ABCA13: variants seen among roughly 807,000 people sequenced by gnomAD.
The protein encoded by ABCA13 is ATP binding cassette subfamily A member 13, also known as ATP-binding cassette sub-family A member 13.
In ABCA13, 476 loss-of-function variants were observed where a neutral mutation model predicts 478.7. That is an observed-to-expected ratio of 0.99 (90% CI 0.92 to 1.07). The LOEUF is 1.07. Ranked by LOEUF, ABCA13 falls within the 50% of genes least tolerant of loss-of-function variation. The pLI is 0.00. For missense variants in ABCA13, 6,060 were observed against 5,910.6 expected (o/e 1.03, Z -0.83); for synonymous variants, 2,252 against 2,158.9 (o/e 1.04, Z -1.20).
intron 3 of ABCA13, among the ~76,000 whole-genome samples, chr7:48,205,488 C>T (rs953373477): frequency 6.6e-6 from 1 of 152,232 alleles, no homozygotes; most frequent in African/African-American, 2.4e-5. Flanking sequence ...GAACTATACC[C>T]TGCTGTCTTA....
chr7:48,519,974 A>T (rs769733848), intron 52 of ABCA13, 67 bp from the exon 53 acceptor site: 663 of 1,439,250 alleles, frequency 4.6e-4, no homozygotes, highest in Non-Finnish European at 5.8e-4. Context: ...AAAAGAAGTT[A>T]TTGGTATATA....
At chr7:48,404,211 C>A (rs767426418) in intron 39 of ABCA13, 1 of 324,834 alleles carries the variant, frequency 3.1e-6, no homozygotes, top group South Asian at 2.4e-5. Context: ...ATAGGACAAG[C>A]CTCCCTTGTC....
intron 2 of ABCA13, among the ~76,000 whole-genome samples, chr7:48,195,354 C>A (rs141220687): frequency 3.3e-4 from 50 of 152,226 alleles, no homozygotes; most frequent in Non-Finnish European, 5.9e-4. Flanking sequence ...TGGTGGAGAG[C>A]AACACTAGAG....
At position 48,455,027 on chromosome 7, in the gene ABCA13, C is replaced by G. The variant is rs367829820; in HGVS notation, c.12566-10C>G. ...TGACCCAGCCGCCCTTCCTCCCGCCCGTCCTGCAGGTGGCTCCCTAGCACG... is the reference window on the plus strand; with the variant it reads ...TGACCCAGCCGCCCTTCCTCCCGCCGGTCCTGCAGGTGGCTCCCTAGCACG... On this transcript the variant is annotated splice_polypyrimidine_tract_variant and intron_variant, in intron 42 of 61. Transcript: ENST00000435803. 2.7e-6 allele frequency: 4 copies of G among 1,489,718 alleles called. No homozygotes were observed. The highest frequency in any genetic ancestry group is 2.8e-5 in the African/African-American group (2 of 71,814). The allele number at this position is 1,489,718 out of a possible 1,614,324, so 92.3% of individuals were successfully genotyped here.
intron 29 of ABCA13, among the ~76,000 whole-genome samples, chr7:48,340,919 G>A (rs909611281): frequency 9.2e-5 from 14 of 151,916 alleles, no homozygotes; most frequent in Admixed American, 2.6e-4. Flanking sequence ...CTTTGGGATC[G>A]GTCCTTATAT....
rs116085213 is a variant in ABCA13, at chr7:48,623,485, G to A, written c.14837+8108G>A. Among the ~76,000 whole-genome samples, 1,311 of 152,282 alleles carry A rather than the reference G, an allele frequency of 8.6e-3. 18 individuals carry two copies. Among genetic ancestry groups the A allele is most frequent in the African/African-American group, 0.029 (1,221 of 41,558 alleles). ...CTTGATCTTTTCACAGTCAAGAGCA[G>A]TTAATAACAGAACATCAACCACATT... On this transcript the variant is annotated intron_variant, in intron 59 of 61. Coordinates refer to ENST00000435803, the MANE Select transcript of ABCA13 (RefSeq NM_152701.5).
At chr7:48,335,345 A>T (rs1297676850) in intron 27 of ABCA13, 77 bp from the exon 28 acceptor site, 5 of 1,097,296 alleles carry the variant, frequency 4.6e-6, no homozygotes, top group Non-Finnish European at 6.6e-6. Flanking sequence ...GCCACATCAT[A>T]TACAGTCCTT....
At chr7:48,429,676 T>G (rs1821880259) in intron 42 of ABCA13, among the ~76,000 whole-genome samples, 1 of 152,156 alleles carries the variant, frequency 6.6e-6, no homozygotes. Flanking sequence ...ATTGTGTGAG[T>G]TAAGTGGAAT....
At chr7:48,573,410 C>T (rs1265976198) in intron 55 of ABCA13, among the ~76,000 whole-genome samples, 1 of 151,120 alleles carries the variant, frequency 6.6e-6, no homozygotes, top group Non-Finnish European at 1.5e-5. Flanking sequence ...AAAAATATAC[C>T]ACTGTCTGGG....
At chr7:48,580,582 T>A (rs1244920932) in intron 56 of ABCA13, among the ~76,000 whole-genome samples, 1 of 152,230 alleles carries the variant, frequency 6.6e-6, no homozygotes, top group Non-Finnish European at 1.5e-5. Flanking sequence ...TTAAAAGGTA[T>A]CTGTGTGAGG....
At chr7:48,415,743 A>G (rs997192522) in intron 41 of ABCA13, among the ~76,000 whole-genome samples, 3 of 152,218 alleles carry the variant, frequency 2.0e-5, no homozygotes, top group Non-Finnish European at 2.9e-5. Flanking sequence ...CACAGAAAAA[A>G]AAACTGGTGA....
At chr7:48,264,910 T>A (rs1387318339) in intron 15 of ABCA13, among the ~76,000 whole-genome samples, 3 of 151,868 alleles carry the variant, frequency 2.0e-5, no homozygotes, top group South Asian at 4.2e-4. Flanking sequence ...GTTTAATAGA[T>A]TTATGTCCTA....
Position 48,507,911 on chromosome 7 carries a change from C to T in ABCA13, c.13386C>T (p.Ile4462=), listed in dbSNP as rs375202986. 24 of 1,612,548 alleles carry T rather than the reference C, an allele frequency of 1.5e-5. No individual in the cohort carries two copies. Among genetic ancestry groups the T allele is most frequent in the Admixed American group, 1.7e-5 (1 of 59,902 alleles). ...SIRQCGVALC[I]VLGFSILSAS... ...GTCAGTGTGGAGTGGCCCTCTGCAT[C>T]GTGCTGGGATTCTCCATCCTGTCTG... Residue 4462 remains isoleucine, a synonymous_variant, in exon 50 of 62, where the codon ATC becomes ATT. Transcript: ENST00000435803.
At chr7:48,234,848 C>T (rs1255830419) in intron 8 of ABCA13, among the ~76,000 whole-genome samples, 1 of 152,226 alleles carries the variant, frequency 6.6e-6, no homozygotes, top group Non-Finnish European at 1.5e-5. Context: ...TCTGGTGCAG[C>T]TCCTAGGTCA....
intron 43 of ABCA13, among the ~76,000 whole-genome samples, chr7:48,466,692 A>G (rs1285302178): frequency 1.3e-5 from 2 of 152,212 alleles, no homozygotes; most frequent in Non-Finnish European, 2.9e-5. Flanking sequence ...GAAAATGTTG[A>G]GGAAAATAAT....
Position 48,279,911 on chromosome 7 carries a change from C to G in ABCA13, c.8717C>G (p.Thr2906Arg). Reference sequence around the variant, plus strand: ...AAATACTGGCAACAAATCCCACTAACAGATCAAAGGTAATTAAAAAGCTGA... The same window carrying G: ...AAATACTGGCAACAAATCCCACTAAGAGATCAAAGGTAATTAAAAAGCTGA... ...LTKYWQQIPL[T>R]DQSVVEICEV... The change falls in exon 18 of 62, where the codon ACA becomes AGA. Residue 2906 changes from threonine (T) to arginine (R), a missense_variant. Thr to Arg is a moderately conservative substitution (Grantham distance 71). Coordinates refer to ENST00000435803, the MANE Select transcript of ABCA13 (RefSeq NM_152701.5). 4.6e-6 allele frequency: 7 copies of G among 1,518,094 alleles called. No individual in the cohort carries two copies. Among genetic ancestry groups the G allele is most frequent in the Non-Finnish European group, 6.2e-6 (7 of 1,137,442 alleles). 94.0% of individuals were successfully genotyped at this position (1,518,094 alleles called of 1,614,324 possible).
intron 20 of ABCA13, among the ~76,000 whole-genome samples, chr7:48,294,073 T>G (rs1798978096): frequency 6.6e-6 from 1 of 152,134 alleles, no homozygotes; most frequent in Admixed American, 6.5e-5. Flanking sequence ...CAAGTTTCTT[T>G]AATTTTTTTT....
chr7:48,380,186 A>G (rs1296994045), intron 35 of ABCA13, among the ~76,000 whole-genome samples: 2 of 152,232 alleles, frequency 1.3e-5, no homozygotes, highest in Non-Finnish European at 2.9e-5. Flanking sequence ...GTTTTAAAAT[A>G]TATATATCAA....
intron 59 of ABCA13, among the ~76,000 whole-genome samples, chr7:48,617,176 T>C (rs1368518770): frequency 6.6e-6 from 1 of 152,176 alleles, no homozygotes. Flanking sequence ...TAACAATAAC[T>C]AGATTTTTCA....
Sources: gnomAD v4.1 joint callset for allele counts (sites outside exome capture counted in the v4.1 genomes callset) on GRCh38, gnomAD v4.1.1 for gene constraint, MANE v1.5 for transcripts, NCBI Gene and HGNC (gene_info 2026-07-23, HGNC 2026-07-21) for gene names.